UBE4B: variants seen among roughly 807,000 people sequenced by gnomAD.
UBE4B encodes ubiquitination factor E4B, also known as ubiquitin conjugation factor E4 B.
Under a neutral mutation model 148.1 loss-of-function variants are expected in UBE4B, and 27 were observed. The observed-to-expected ratio is 0.18, with a 90% CI of 0.13 to 0.25. The LOEUF (loss-of-function observed/expected upper bound fraction) is 0.25. Ranked by LOEUF, UBE4B falls within the 10% of genes least tolerant of loss-of-function variation. The pLI is 1.00. For synonymous variants in UBE4B, 596 were observed against 619.3 expected (o/e 0.96, Z 0.56); for missense variants, 1,170 against 1,662.4 (o/e 0.70, Z 5.15).
chr1:10,119,413 G>T (rs957435550), intron 8 of UBE4B, 100 bp from the exon 9 acceptor site: 20 of 1,152,292 alleles, frequency 1.7e-5, no homozygotes, highest in Non-Finnish European at 2.5e-5. Flanking sequence ...AGGAAAGCAC[G>T]CTGTTTACTG....
intron 21 of UBE4B, among the ~76,000 whole-genome samples, chr1:10,153,130 C>G (rs888388137): frequency 6.6e-6 from 1 of 151,956 alleles, no homozygotes; most frequent in African/African-American, 2.4e-5. Flanking sequence ...TGCAGCACCC[C>G]CTATTGGCAA....
chr1:10,072,599 T>C (rs1644507945), intron 2 of UBE4B: 1 of 671,060 alleles, frequency 1.5e-6, no homozygotes, highest in African/African-American at 1.8e-5. Context: ...TAATTGCAGA[T>C]TTCCTCGTCT....
Position 10,108,468 on chromosome 1 carries a change from CTT to C in UBE4B, c.1196+1887_1196+1888del, listed in dbSNP as rs773558130. 1.0e-3 allele frequency among the ~76,000 whole-genome samples: 153 copies of C among 152,284 alleles called. 3 individuals are homozygous for C. The Middle Eastern group carries it at 0.01, about 10-fold the overall frequency. Reference sequence around the variant, plus strand: ...AGCACTACTTGGGTTGTGTAGGTGACTTTGAGCAAGAGAATATAATAGCACCT... The same window carrying C: ...AGCACTACTTGGGTTGTGTAGGTGACTGAGCAAGAGAATATAATAGCACCT... On this transcript the variant is annotated intron_variant, in intron 7 of 27. Coordinates refer to ENST00000343090, the MANE Select transcript of UBE4B (RefSeq NM_001105562.3).
rs753903083 is a variant in UBE4B, at chr1:10,102,984, G to A, written c.472G>A (p.Ala158Thr). The A allele has an allele frequency of 4.3e-6, 7 of 1,613,470 alleles. No individual in the cohort carries two copies. The highest frequency in any genetic ancestry group is 5.9e-6 in the Non-Finnish European group (7 of 1,179,676). ...SSGPEVSEEQ[A>T]LQLVCKIFRV... ...GGGCCCTGAAGTGTCTGAAGAGCAGGCCTTACAGCTGGTCTGTAAGATCTT... is the reference window on the plus strand; with the variant it reads ...GGGCCCTGAAGTGTCTGAAGAGCAGACCTTACAGCTGGTCTGTAAGATCTT... The change falls in exon 5 of 28, where the codon GCC (alanine) becomes ACC (threonine). Residue 158 changes from alanine (A) to threonine (T), a missense_variant. By Grantham distance (58) the Ala-to-Thr change is moderately conservative (BLOSUM62 0). Transcript: ENST00000343090.
intron 1 of UBE4B, chr1:10,054,325 A>T (rs1644118611): frequency 6.1e-6 from 1 of 163,754 alleles, no homozygotes; most frequent in Non-Finnish European, 1.3e-5. Context: ...ATAATGAATT[A>T]GGACACAATT....
At chr1:10,045,836 A>C (rs915979826) in intron 1 of UBE4B, among the ~76,000 whole-genome samples, 3 of 152,178 alleles carry the variant, frequency 2.0e-5, no homozygotes, top group African/African-American at 7.2e-5. Flanking sequence ...AGTGAGTTGC[A>C]TGTGGAGTAT....
intron 7 of UBE4B, among the ~76,000 whole-genome samples, chr1:10,109,467 TC>T (rs1645180120): frequency 6.6e-6 from 1 of 152,184 alleles, no homozygotes; most frequent in South Asian, 2.1e-4. Context: ...AGTTGATATG[TC>T]CCTTGTTGGC....
chr1:10,109,979 G>T (rs1324648646), intron 7 of UBE4B, among the ~76,000 whole-genome samples: 1 of 152,156 alleles, frequency 6.6e-6, no homozygotes, highest in African/African-American at 2.4e-5. Flanking sequence ...GATTACAGGC[G>T]TGAGCCACTG....
chr1:10,106,280 G>T lies in UBE4B; in HGVS notation c.893G>T (p.Arg298Leu), dbSNP rs772153110. 1.9e-6 allele frequency: 3 copies of T among 1,613,858 alleles called. No individual in the cohort carries two copies. Among genetic ancestry groups the T allele is most frequent in the Non-Finnish European group, 2.5e-6 (3 of 1,179,992 alleles). The change falls in exon 7 of 28, where the codon CGT becomes CTT. Residue 298 changes from arginine to leucine, a missense_variant. By Grantham distance (102) the Arg-to-Leu change is moderately radical. This residue lies in a region of UBE4B where 214 missense variants were observed against 209.1 expected (regional missense o/e 1.02). Transcript: ENST00000343090. The surrounding 1 kb of genome is among the most constrained non-coding windows in gnomAD (Gnocchi z 4.2). ...VMGPSLASPS[R>L]AASQLAVPST... is the part of the protein sequence containing the mutation. ...GGCCCGTCTCTTGCCTCACCTTCCC[G>T]TGCAGCCAGCCAGTTGGCTGTGCCT...
At chr1:10,111,081 A>ACG (rs1193525149) in intron 7 of UBE4B, among the ~76,000 whole-genome samples, 3 of 140,986 alleles carry the variant, frequency 2.1e-5, no homozygotes, top group East Asian at 4.9e-4. Context: ...ACACACACAC[A>ACG]CACACACACA....
chr1:10,175,445 A>G (rs901298750), intron 25 of UBE4B, among the ~76,000 whole-genome samples: 9 of 151,666 alleles, frequency 5.9e-5, no homozygotes, highest in Admixed American at 5.2e-4. Flanking sequence ...AGGTCAGGAG[A>G]TCGAGACCGT....
rs367710638 is a variant in UBE4B at position 10,123,385 on chromosome 1, ACAC to A, written c.1554+1313_1554+1315del. Among the ~76,000 whole-genome samples, 596 of 147,752 alleles carry A rather than the reference ACAC, an allele frequency of 4.0e-3. 5 individuals carry two copies. The highest frequency in any genetic ancestry group is 0.014 in the African/African-American group (563 of 39,468). On this transcript the variant is annotated intron_variant, in intron 10 of 27. Transcript: ENST00000343090. ...GACGAGGTTGCAGTGAGCCGAGATT[ACAC>A]CACTGCATTCCAGCCTGGGTGACAG...
chr1:10,148,498 G>C (rs1645915608), intron 19 of UBE4B, among the ~76,000 whole-genome samples: 2 of 151,156 alleles, frequency 1.3e-5, no homozygotes, highest in Non-Finnish European at 2.9e-5. Context: ...CAGGTGTGGT[G>C]GTGGGCGCCT....
At chr1:10,126,331 A>ATAGG (rs1054553720) in intron 10 of UBE4B, among the ~76,000 whole-genome samples, 2 of 152,212 alleles carry the variant, frequency 1.3e-5, no homozygotes, top group African/African-American at 4.8e-5. Flanking sequence ...AGATAGATAG[A>ATAGG]TAGATAGATA....
intron 23 of UBE4B, among the ~76,000 whole-genome samples, chr1:10,164,354 GA>G (rs910822665): frequency 2.4e-4 from 34 of 140,896 alleles, no homozygotes; most frequent in Non-Finnish European, 2.3e-4. Flanking sequence ...TCTCAAAAAA[GA>G]AAAAAAAAAA....
intron 23 of UBE4B, among the ~76,000 whole-genome samples, chr1:10,165,994 G>A (rs1046815152): frequency 1.3e-5 from 2 of 152,138 alleles, no homozygotes; most frequent in South Asian, 2.1e-4. Context: ...GGTAGTTCAC[G>A]CCTGGCTGTT....
chr1:10,174,462 G>A (rs1571036011), intron 25 of UBE4B, among the ~76,000 whole-genome samples: 1 of 151,418 alleles, frequency 6.6e-6, no homozygotes, highest in Admixed American at 6.6e-5. Flanking sequence ...GCACTTTGGG[G>A]AGCCGAGGCG....
intron 9 of UBE4B, among the ~76,000 whole-genome samples, chr1:10,121,101 A>G (rs1645402534): frequency 6.6e-6 from 1 of 151,930 alleles, no homozygotes; most frequent in Admixed American, 6.6e-5. Context: ...GTGGTGGCTT[A>G]CATCTGTAAT....
chr1:10,042,180 G>A (rs907887889), intron 1 of UBE4B, among the ~76,000 whole-genome samples: 5 of 152,178 alleles, frequency 3.3e-5, no homozygotes, highest in Admixed American at 1.3e-4. Context: ...AGGGAAAGAA[G>A]GCAGAAAGAC....
Sources: gnomAD v4.1 joint callset for allele counts (sites outside exome capture counted in the v4.1 genomes callset) on GRCh38, gnomAD v4.1.1 for gene constraint, gnomAD v4.1.1 regional missense constraint, Gnocchi (gnomAD v3.1) non-coding constraint, MANE v1.5 for transcripts, NCBI Gene and HGNC (gene_info 2026-07-23, HGNC 2026-07-21) for gene names.